NRG3: variants seen among roughly 807,000 people sequenced by gnomAD.
NRG3 encodes pro-neuregulin-3, membrane-bound isoform.
Under a neutral mutation model 66.9 loss-of-function variants are expected in NRG3, and 31 were observed. That is an observed-to-expected ratio of 0.46 (90% CI 0.35 to 0.63). NRG3 has a LOEUF of 0.63. Ranked by LOEUF, NRG3 falls within the 20% of genes least tolerant of loss-of-function variation. NRG3 has a pLI of 0.00. For missense variants in NRG3, 910 were observed against 878.9 expected (o/e 1.04, Z -0.45); for synonymous variants, 393 against 359.4 (o/e 1.09, Z -1.06).
intron 4 of NRG3, among the ~76,000 whole-genome samples, chr10:82,937,049 A>G (rs532906974): frequency 6.6e-6 from 1 of 152,232 alleles, no homozygotes; most frequent in Non-Finnish European, 1.5e-5. Flanking sequence ...GAGCATCAGT[A>G]TGACTCTGTA....
intron 4 of NRG3, among the ~76,000 whole-genome samples, chr10:82,943,485 C>A (rs1318593947): frequency 6.6e-6 from 1 of 152,138 alleles, no homozygotes; most frequent in Non-Finnish European, 1.5e-5. Flanking sequence ...GCTTGAGAAC[C>A]CAAGGTCATT....
intron 1 of NRG3, among the ~76,000 whole-genome samples, chr10:82,061,842 T>TCTCTCTCTC (rs2064158973): frequency 2.0e-5 from 3 of 146,824 alleles, no homozygotes; most frequent in Non-Finnish European, 3.0e-5. Flanking sequence ...CAGTGTCCCT[T>TCTCTCTCTC]TCTCTCTCTC....
At chr10:82,693,949 A>T (rs1043744455) in intron 2 of NRG3, among the ~76,000 whole-genome samples, 6 of 152,214 alleles carry the variant, frequency 3.9e-5, no homozygotes, top group African/African-American at 1.4e-4. Flanking sequence ...GGCCCCGCCC[A>T]TGTCCTGCTG....
At chr10:82,621,567 G>C (rs1168469002) in intron 2 of NRG3, among the ~76,000 whole-genome samples, 2 of 152,136 alleles carry the variant, frequency 1.3e-5, no homozygotes, top group African/African-American at 2.4e-5. Flanking sequence ...TCAAAAGACA[G>C]AGAGCCCACT....
intron 1 of NRG3, among the ~76,000 whole-genome samples, chr10:82,275,645 C>T (rs1257659144): frequency 5.3e-5 from 8 of 151,746 alleles, no homozygotes; most frequent in African/African-American, 1.5e-4. Context: ...CAAATGATTT[C>T]CCTATTGTTT....
chr10:82,204,281 G>C (rs557721049), intron 1 of NRG3, among the ~76,000 whole-genome samples: 1 of 152,236 alleles, frequency 6.6e-6, no homozygotes, highest in South Asian at 2.1e-4. Flanking sequence ...CTACAACAAA[G>C]GTTTCTTTCT....
intron 2 of NRG3, among the ~76,000 whole-genome samples, chr10:82,681,724 AT>A (rs1172465865): frequency 6.6e-6 from 1 of 152,212 alleles, no homozygotes; most frequent in African/African-American, 2.4e-5. Context: ...TTATTAACTA[AT>A]GTGATCTGAG....
At chr10:82,291,909 C>T (rs1208332008) in intron 1 of NRG3, among the ~76,000 whole-genome samples, 1 of 152,054 alleles carries the variant, frequency 6.6e-6, no homozygotes, top group Non-Finnish European at 1.5e-5. Flanking sequence ...TGGGATCTAG[C>T]ATTCAACAAA....
chr10:82,189,917 G>A (rs1259000002), intron 1 of NRG3, among the ~76,000 whole-genome samples: 1 of 151,946 alleles, frequency 6.6e-6, no homozygotes, highest in African/African-American at 2.4e-5. Context: ...GAGCTGAGAT[G>A]GCATCACTCA....
intron 1 of NRG3, among the ~76,000 whole-genome samples, chr10:82,242,848 G>A (rs2077065633): frequency 6.6e-6 from 1 of 152,174 alleles, no homozygotes; most frequent in African/African-American, 2.4e-5. Context: ...TTGATTTGCT[G>A]GAAAGGGAAT....
intron 2 of NRG3, among the ~76,000 whole-genome samples, chr10:82,361,263 T>A (rs1338348003): frequency 6.6e-6 from 1 of 152,220 alleles, no homozygotes; most frequent in African/African-American, 2.4e-5. Context: ...TTCTTGCATA[T>A]TTCAGTACAG....
At chr10:81,989,071 T>C (rs1451400514) in intron 1 of NRG3, among the ~76,000 whole-genome samples, 1 of 152,036 alleles carries the variant, frequency 6.6e-6, no homozygotes, top group Non-Finnish European at 1.5e-5. Flanking sequence ...GTAGAATTAA[T>C]CAAATAGGAC....
chr10:82,332,399 T>C (rs1484506693), intron 1 of NRG3, among the ~76,000 whole-genome samples: 1 of 152,130 alleles, frequency 6.6e-6, no homozygotes, highest in Non-Finnish European at 1.5e-5. Context: ...TCTGCCACTC[T>C]AGCTCTTTCT....
chr10:81,902,183 C>T (rs59449884), intron 1 of NRG3, among the ~76,000 whole-genome samples: 2 of 152,116 alleles, frequency 1.3e-5, no homozygotes, highest in South Asian at 4.1e-4. Context: ...ATCCATATCA[C>T]AGGCATGATT....
intron 4 of NRG3, among the ~76,000 whole-genome samples, chr10:82,881,738 A>G (rs1007973461): frequency 2.0e-5 from 3 of 152,186 alleles, no homozygotes; most frequent in African/African-American, 7.2e-5. Flanking sequence ...GTATCTATCT[A>G]TATCAATGTC....
chr10:82,216,533 T>C (rs1038328817), intron 1 of NRG3, among the ~76,000 whole-genome samples: 2 of 146,324 alleles, frequency 1.4e-5, no homozygotes, highest in Non-Finnish European at 3.0e-5. Flanking sequence ...CATATATGTG[T>C]GTGTGTACAC....
At chr10:82,489,261 G>C (rs1842915251) in intron 2 of NRG3, among the ~76,000 whole-genome samples, 1 of 152,118 alleles carries the variant, frequency 6.6e-6, no homozygotes, top group African/African-American at 2.4e-5. Context: ...TCCCCACATA[G>C]TGTATTAACA....
chr10:81,875,915 C>T lies in NRG3; in HGVS notation c.575C>T (p.Thr192Met), dbSNP rs776766420. 3.1e-6 allele frequency: 5 copies of T among 1,613,164 alleles called. No homozygotes were observed. The highest frequency in any genetic ancestry group is 4.2e-6 in the Non-Finnish European group (5 of 1,180,000). The change falls in exon 1 of 9, where the codon ACG becomes ATG. Residue 192 changes from threonine to methionine, a missense_variant. Coordinates refer to ENST00000372141, the MANE Select transcript of NRG3 (RefSeq NM_001010848.4). This position sits in a 1 kb window ranked among gnomAD's most constrained non-coding sequence, Gnocchi z 5.3. ...TTARNTAAPA[T>M]VPSTTAPFFS... is the part of the protein sequence containing the mutation. The stretch of plus-strand genomic sequence containing the variant: ...GCACGGAACACTGCGGCCCCTGCGA[C>T]GGTCCCGTCCACCACGGCCCCGTTC...
intron 3 of NRG3, among the ~76,000 whole-genome samples, chr10:82,822,940 CG>C (rs2062017004): frequency 6.6e-6 from 1 of 152,136 alleles, no homozygotes; most frequent in Non-Finnish European, 1.5e-5. Context: ...AAGTATATAG[CG>C]GGGCTAACAG....
Sources: allele counts gnomAD v4.1 joint callset (sites outside exome capture counted in the v4.1 genomes callset), GRCh38; gene constraint gnomAD v4.1.1; non-coding constraint Gnocchi (gnomAD v3.1); transcripts MANE v1.5; gene names NCBI Gene and HGNC (gene_info 2026-07-23, HGNC 2026-07-21).